Variants in SLIT2 observed in about 807,000 individuals in gnomAD.
SLIT2 encodes the protein slit homolog 2 protein.
SLIT2 carries 41 observed loss-of-function variants against 185.7 expected under a neutral mutation model. That is an observed-to-expected ratio of 0.22 (90% CI 0.17 to 0.29). The LOEUF (loss-of-function observed/expected upper bound fraction) is 0.29, where lower values mean the gene tolerates loss of function less well. SLIT2 is among the 10% of genes least tolerant of loss of function. The pLI is 1.00. For missense variants in SLIT2, 1,571 were observed against 1,909.0 expected, an observed-to-expected ratio of 0.82 and a Z score of 3.30; for synonymous variants, 693 against 680.2, an observed-to-expected ratio of 1.02 and a Z score of -0.29.
In SLIT2 at chr4:20,483,943, G is replaced by A. The variant is rs543845502; in HGVS notation, c.540-2257G>A. On this transcript the variant is annotated intron_variant, in intron 6 of 36. Coordinates refer to ENST00000504154, the MANE Select transcript of SLIT2 (RefSeq NM_004787.4). ...TTTTAAAAATAATTTTGTTGGTTCT[G>A]CATATTTTTCAGTCATTGAGTATCA... Among the ~76,000 whole-genome samples the A allele has an allele frequency of 2.0e-5, 3 of 151,950 alleles. No homozygotes were observed. In the East Asian group the frequency reaches 5.8e-4, roughly 29 times the overall value.
rs554040318 is a variant in SLIT2, at chr4:20,370,779, C to G, written c.396-96973C>G. Among the ~76,000 whole-genome samples the G allele has an allele frequency of 5.7e-4, 87 of 152,232 alleles. No homozygotes were observed. The South Asian group carries it at 0.015, about 25-fold the overall frequency. ...CAGCATCCATTAACTTTGTGATCTG[C>G]AACAGCCAACGTTTCTAGCTATACA... On this transcript the variant is annotated intron_variant, in intron 4 of 36. Coordinates refer to ENST00000504154, the MANE Select transcript of SLIT2 (RefSeq NM_004787.4).
chr4:20,257,620 G>T (rs1711983558), intron 2 of SLIT2, among the ~76,000 whole-genome samples: 1 of 151,946 alleles, frequency 6.6e-6, no homozygotes, highest in Non-Finnish European at 1.5e-5. Flanking sequence ...TAGTTTAAGG[G>T]TCAGAGTTTT....
At chr4:20,467,436 A>G (rs535381474) in intron 4 of SLIT2, among the ~76,000 whole-genome samples, 1 of 152,096 alleles carries the variant, frequency 6.6e-6, no homozygotes, top group Non-Finnish European at 1.5e-5. Flanking sequence ...TGAACAATTT[A>G]CTATTCTTTA....
chr4:20,566,467 T>C (rs1725101944), intron 26 of SLIT2, among the ~76,000 whole-genome samples: 1 of 152,100 alleles, frequency 6.6e-6, no homozygotes, highest in South Asian at 2.1e-4. Flanking sequence ...GTCCAATAAG[T>C]ATTTGTGAAC....
At chr4:20,372,956 G>T (rs760675790) in intron 4 of SLIT2, among the ~76,000 whole-genome samples, 10 of 152,046 alleles carry the variant, frequency 6.6e-5, no homozygotes, top group Non-Finnish European at 1.3e-4. Context: ...GCATCATGTT[G>T]TGAGCATGTT....
Position 20,336,729 on chromosome 4 carries a change from G to A in SLIT2, c.395+67848G>A, listed in dbSNP as rs566140990. Among the ~76,000 whole-genome samples the A allele has an allele frequency of 5.1e-4, 77 of 152,282 alleles. No homozygotes were observed. The South Asian group carries it at 0.015, about 29-fold the overall frequency. On this transcript the variant is annotated intron_variant, in intron 4 of 36. Transcript: ENST00000504154. ...GAAATATGAAGACACAGAGTATACA[G>A]TGAAGGCATAGACACAACTGAGCAC...
chr4:20,526,545 A>G (rs1044157948), intron 15 of SLIT2, among the ~76,000 whole-genome samples: 15 of 152,304 alleles, frequency 9.8e-5, no homozygotes, highest in African/African-American at 3.4e-4. Context: ...AATTATTCAA[A>G]CTATTTCATT....
Position 20,596,650 on chromosome 4 carries a change from C to T in SLIT2, c.3556C>T (p.Leu1186Phe), listed in dbSNP as rs138468674. The change falls in exon 32 of 37, where the codon CTT becomes TTT. Residue 1186 changes from leucine (L) to phenylalanine (F), a missense_variant. Coordinates refer to ENST00000504154, the MANE Select transcript of SLIT2 (RefSeq NM_004787.4). Reference sequence around the variant, plus strand: ...GGTTCGGCCTCAGACGAACATAACACTTCAGGTAAGAGATCTCTCTCTATG... The same window carrying T: ...GGTTCGGCCTCAGACGAACATAACATTTCAGGTAAGAGATCTCTCTCTATG... ...AKVRPQTNIT[L>F]QIATDEDSGI... 6.2e-6 allele frequency: 10 copies of T among 1,612,162 alleles called. No individual in the cohort carries two copies. The Admixed American group carries it at 8.3e-5, about 13-fold the overall frequency.
At chr4:20,352,100 CTATG>C (rs918725817) in intron 4 of SLIT2, among the ~76,000 whole-genome samples, 1 of 152,086 alleles carries the variant, frequency 6.6e-6, no homozygotes, top group Admixed American at 6.5e-5. Flanking sequence ...CTGTATGTCT[CTATG>C]TATGCAATTT....
chr4:20,528,444 A>T lies in SLIT2; in HGVS notation c.1463-505A>T. The stretch of plus-strand genomic sequence containing the variant: ...TCCTGTCTCTTTCTACAAAATCAAA[A>T]TGAAAAAAGAGGGCTTTTTAGGCAT... On this transcript the variant is annotated intron_variant, in intron 15 of 36. Coordinates refer to ENST00000504154, the MANE Select transcript of SLIT2 (RefSeq NM_004787.4). The surrounding 1 kb of genome is among the most constrained non-coding windows in gnomAD (Gnocchi z 4.2). The T allele has an allele frequency of 2.1e-6, 1 of 480,212 alleles. No individual in the cohort carries two copies. The highest frequency in any genetic ancestry group is 1.5e-5 in the South Asian group (1 of 64,990). 29.7% of individuals were successfully genotyped at this position (480,212 alleles called of 1,614,324 possible).
chr4:20,366,799 TA>T (rs1577510729), intron 4 of SLIT2, among the ~76,000 whole-genome samples: 1 of 152,098 alleles, frequency 6.6e-6, no homozygotes. Flanking sequence ...TAGTTTAGTT[TA>T]TTTTTTTTAA....
At chr4:20,523,090 G>C (rs529018411) in intron 12 of SLIT2, among the ~76,000 whole-genome samples, 2 of 152,288 alleles carry the variant, frequency 1.3e-5, no homozygotes. Flanking sequence ...TGAGAAGGCA[G>C]TATTAGAGCA....
chr4:20,437,363 T>C (rs1050564835), intron 4 of SLIT2, among the ~76,000 whole-genome samples: 8 of 152,168 alleles, frequency 5.3e-5, no homozygotes, highest in African/African-American at 1.9e-4. Flanking sequence ...ACCTGTATTC[T>C]TAACACTTTA....
intron 4 of SLIT2, 138 bp downstream of exon 4, chr4:20,269,019 T>A: frequency 1.6e-6 from 1 of 613,572 alleles, no homozygotes; most frequent in Non-Finnish European, 2.9e-6. Context: ...TGTTTTTTCT[T>A]TAGGAAATTT....
At chr4:20,392,697 T>C (rs1725523707) in intron 4 of SLIT2, among the ~76,000 whole-genome samples, 1 of 152,026 alleles carries the variant, frequency 6.6e-6, no homozygotes, top group African/African-American at 2.4e-5. Context: ...ATGTTTTTTC[T>C]TACTTTTTAA....
intron 4 of SLIT2, among the ~76,000 whole-genome samples, chr4:20,287,523 T>C (rs1435204357): frequency 3.9e-5 from 6 of 152,204 alleles, no homozygotes; most frequent in African/African-American, 1.4e-4. Flanking sequence ...TATCTCATTA[T>C]CACCTTAGGT....
At chr4:20,426,603 G>A (rs1728575756) in intron 4 of SLIT2, among the ~76,000 whole-genome samples, 1 of 152,082 alleles carries the variant, frequency 6.6e-6, no homozygotes, top group Non-Finnish European at 1.5e-5. Context: ...CACATATTTA[G>A]AGTAGCTTTA....
chr4:20,323,478 A>G (rs186474220), intron 4 of SLIT2, among the ~76,000 whole-genome samples: 1 of 152,340 alleles, frequency 6.6e-6, no homozygotes, highest in East Asian at 1.9e-4. Context: ...AAAATACTTT[A>G]TAAGAAATTT....
At chr4:20,498,892 T>C (rs1007440037) in intron 9 of SLIT2, among the ~76,000 whole-genome samples, 6 of 152,226 alleles carry the variant, frequency 3.9e-5, no homozygotes, top group Admixed American at 3.3e-4. Context: ...AGTGAAAGTG[T>C]CTTATATAAT....
Sources: allele counts gnomAD v4.1 joint callset (sites outside exome capture counted in the v4.1 genomes callset), GRCh38; gene constraint gnomAD v4.1.1; non-coding constraint Gnocchi (gnomAD v3.1); transcripts MANE v1.5; gene names NCBI Gene and HGNC (gene_info 2026-07-23, HGNC 2026-07-21).